Variants in ABCB5 observed in about 807,000 individuals in gnomAD.
The protein encoded by ABCB5 is ATP-binding cassette sub-family B member 5.
In ABCB5, 155 loss-of-function variants were observed where a neutral mutation model predicts 144.2. That is an observed-to-expected ratio of 1.08 (90% CI 0.94 to 1.23). ABCB5 has a LOEUF of 1.23. Ranked by LOEUF, ABCB5 falls within the 50% of genes most tolerant of loss-of-function variation. ABCB5 has a pLI of 0.00. For missense variants in ABCB5, 1,830 were observed against 1,520.8 expected (o/e 1.20, Z -3.38); for synonymous variants, 610 against 528.6 (o/e 1.15, Z -2.11).
intron 20 of ABCB5, among the ~76,000 whole-genome samples, chr7:20,718,026 T>G (rs1332546912): frequency 6.7e-6 from 1 of 148,884 alleles, no homozygotes; most frequent in Non-Finnish European, 1.5e-5. Context: ...CTCAGCCTCC[T>G]GAGTAGCTGG....
chr7:20,747,298 C>A (rs754866198), intron 26 of ABCB5, among the ~76,000 whole-genome samples: 1 of 152,134 alleles, frequency 6.6e-6, no homozygotes, highest in Non-Finnish European at 1.5e-5. Context: ...TGAGACAAGG[C>A]CTCACTCTGT....
chr7:20,735,379 T>C (rs1436467298), intron 23 of ABCB5, among the ~76,000 whole-genome samples: 1 of 152,154 alleles, frequency 6.6e-6, no homozygotes, highest in Admixed American at 6.6e-5. Context: ...TAATAAAGGA[T>C]GGACAGAAGG....
At chr7:20,744,765 TA>T (rs1782667832) in intron 25 of ABCB5, among the ~76,000 whole-genome samples, 1 of 151,352 alleles carries the variant, frequency 6.6e-6, no homozygotes. Flanking sequence ...AGTATAATAA[TA>T]ATAAAATTAA....
chr7:20,668,589 G>T (rs1386525007), intron 14 of ABCB5, among the ~76,000 whole-genome samples: 11 of 144,858 alleles, frequency 7.6e-5, no homozygotes, highest in South Asian at 2.2e-4. Flanking sequence ...CGGGAGGGAG[G>T]TGGGGGGGGG....
intron 11 of ABCB5, among the ~76,000 whole-genome samples, chr7:20,648,780 G>C (rs926959835): frequency 6.6e-6 from 1 of 152,148 alleles, no homozygotes; most frequent in Non-Finnish European, 1.5e-5. Flanking sequence ...TTTGTATAAA[G>C]ACCTACCTAC....
intron 9 of ABCB5, chr7:20,647,176 G>A: frequency 2.0e-6 from 1 of 511,298 alleles, no homozygotes; most frequent in Non-Finnish European, 2.5e-6. Context: ...ACCCAACAAG[G>A]AGGGGAGTGC....
intron 26 of ABCB5, among the ~76,000 whole-genome samples, chr7:20,749,066 C>G (rs1782826433): frequency 6.6e-6 from 1 of 151,842 alleles, no homozygotes; most frequent in South Asian, 2.1e-4. Context: ...CTTTCTCTCT[C>G]CCTTTCTTTC....
chr7:20,617,187 G>C (rs531323496), intron 1 of ABCB5, among the ~76,000 whole-genome samples: 21 of 152,070 alleles, frequency 1.4e-4, no homozygotes, highest in Non-Finnish European at 2.9e-4. Flanking sequence ...AAGATGTCTA[G>C]GCTGTTCAGT....
At chr7:20,656,324 A>T (rs1784790210) in intron 13 of ABCB5, among the ~76,000 whole-genome samples, 1 of 152,216 alleles carries the variant, frequency 6.6e-6, no homozygotes, top group Non-Finnish European at 1.5e-5. Context: ...TAGAAAACAA[A>T]AAGGCAAGAC....
intron 23 of ABCB5, among the ~76,000 whole-genome samples, chr7:20,735,354 G>A (rs1465646482): frequency 2.0e-5 from 3 of 152,170 alleles, no homozygotes; most frequent in Non-Finnish European, 4.4e-5. Flanking sequence ...TTAACAGTGG[G>A]TCGATACCTT....
chr7:20,639,322 G>T (rs962945308), intron 5 of ABCB5, among the ~76,000 whole-genome samples: 1 of 152,092 alleles, frequency 6.6e-6, no homozygotes, highest in Non-Finnish European at 1.5e-5. Context: ...CTTTCTTAGA[G>T]GTTTCTTTTG....
chr7:20,751,374 G>C, intron 26 of ABCB5, among the ~76,000 whole-genome samples: 1 of 152,204 alleles, frequency 6.6e-6, no homozygotes, highest in Non-Finnish European at 1.5e-5. Context: ...GGGAGGCTGA[G>C]GCAGGAGAAT....
At chr7:20,617,063 C>T (rs73276516) in intron 1 of ABCB5, among the ~76,000 whole-genome samples, 1,720 of 152,162 alleles carry the variant, frequency 0.011, 30 homozygotes, top group African/African-American at 0.038. Flanking sequence ...CATAAAATTA[C>T]CCTGTTTTAA....
chr7:20,722,514 A>G (rs548961063), intron 20 of ABCB5, among the ~76,000 whole-genome samples: 2 of 152,344 alleles, frequency 1.3e-5, no homozygotes, highest in South Asian at 2.1e-4. Flanking sequence ...AATCCAGTTC[A>G]TTTGGACATC....
At chr7:20,632,152 T>C in intron 5 of ABCB5, 39 bp downstream of exon 5, 1 of 1,350,752 alleles carries the variant, frequency 7.4e-7, no homozygotes, top group Non-Finnish European at 9.9e-7. Context: ...ATTCGTTGAA[T>C]GATGCTTTAT....
rs1336198681 is a variant in ABCB5, at chr7:20,755,748, T to G, written c.*124T>G. ...AATACCTAGAATCATGCTACTCAAGTACATACATGTTCTATTCACACACCA... is the reference window on the plus strand; with the variant it reads ...AATACCTAGAATCATGCTACTCAAGGACATACATGTTCTATTCACACACCA... On this transcript the variant is annotated 3_prime_UTR_variant, in exon 28 of 28. Coordinates refer to ENST00000404938, the MANE Select transcript of ABCB5 (RefSeq NM_001163941.2). The G allele has an allele frequency of 4.3e-6, 4 of 919,956 alleles. No homozygotes were observed. The East Asian group carries it at 1.1e-4, about 24-fold the overall frequency. The allele number at this position is 919,956 out of a possible 1,614,324, so 57.0% of individuals were successfully genotyped here.
At chr7:20,739,748 A>G (rs1487384247) in intron 24 of ABCB5, among the ~76,000 whole-genome samples, 2 of 152,166 alleles carry the variant, frequency 1.3e-5, no homozygotes, top group African/African-American at 4.8e-5. Flanking sequence ...TATGCAAAGT[A>G]AATAATATTC....
At chr7:20,731,631 T>C (rs1002550589) in intron 23 of ABCB5, among the ~76,000 whole-genome samples, 13 of 152,264 alleles carry the variant, frequency 8.5e-5, no homozygotes, top group Admixed American at 7.8e-4. Context: ...TATCTCAATG[T>C]GTTCAAAACA....
chr7:20,643,632 G>C lies in ABCB5; in HGVS notation c.678G>C (p.Arg226Ser). ...LIMASAAACS[R>S]MVISLTSKEL... is the part of the protein sequence containing the mutation. ...TGGCTTCAGCGGCAGCATGTTCTAG[G>C]GTAAGTGAGATGGCTAATGCAATAT... is the stretch of plus-strand genomic sequence containing the variant. The change falls in exon 7 of 28, where the codon AGG becomes AGC. Residue 226 changes from arginine (R) to serine (S), a missense_variant and splice_region_variant. Transcript: ENST00000404938. 6.2e-7 allele frequency: 1 copy of C among 1,613,672 alleles called. No homozygotes were observed. The highest frequency in any genetic ancestry group is 1.1e-5 in the South Asian group (1 of 91,052).
Sources: allele counts gnomAD v4.1 joint callset (sites outside exome capture counted in the v4.1 genomes callset), GRCh38; gene constraint gnomAD v4.1.1; transcripts MANE v1.5; gene names NCBI Gene and HGNC (gene_info 2026-07-23, HGNC 2026-07-21).